The following AVEN variants were observed in gnomAD, a reference collection of about 807,000 sequenced individuals.
The protein encoded by AVEN is apoptosis and caspase activation inhibitor.
A neutral mutation model predicts 38.1 loss-of-function variants in AVEN; 41 were observed. That is an observed-to-expected ratio of 1.08 (90% CI 0.84 to 1.40). The LOEUF (loss-of-function observed/expected upper bound fraction) is 1.40, where lower values mean the gene tolerates loss of function less well. AVEN is among the 40% of genes most tolerant of loss of function. The pLI is 0.00. For missense variants in AVEN, 605 were observed against 438.8 expected, an observed-to-expected ratio of 1.38 and a Z score of -3.38; for synonymous variants, 206 against 171.8, an observed-to-expected ratio of 1.20 and a Z score of -1.56.
chr15:33,923,185 T>A (rs1893470652), intron 2 of AVEN, among the ~76,000 whole-genome samples: 2 of 152,126 alleles, frequency 1.3e-5, no homozygotes, highest in Non-Finnish European at 2.9e-5. Flanking sequence ...TTTGTTCCAT[T>A]TCAATGAAAC....
At chr15:34,000,117 C>T (rs753039193) in intron 2 of AVEN, among the ~76,000 whole-genome samples, 28 of 152,206 alleles carry the variant, frequency 1.8e-4, no homozygotes, top group Non-Finnish European at 3.2e-4. Context: ...CTCCCTCACC[C>T]TCCTCAGATC....
chr15:33,884,777 C>T (rs1241643008), intron 2 of AVEN, among the ~76,000 whole-genome samples: 1 of 152,192 alleles, frequency 6.6e-6, no homozygotes, highest in Non-Finnish European at 1.5e-5. Context: ...AGAAGGAAAC[C>T]TGCAAAGACT....
At chr15:33,884,059 G>A (rs1891599981) in intron 2 of AVEN, among the ~76,000 whole-genome samples, 1 of 152,014 alleles carries the variant, frequency 6.6e-6, no homozygotes, top group African/African-American at 2.4e-5. Flanking sequence ...ACCTGGCATC[G>A]ATTTTTCTCA....
intron 2 of AVEN, among the ~76,000 whole-genome samples, chr15:33,890,179 G>A (rs1238161447): frequency 6.6e-6 from 1 of 152,134 alleles, no homozygotes; most frequent in Non-Finnish European, 1.5e-5. Flanking sequence ...ATGTTCAGTA[G>A]TCTGAGGTAT....
downstream of AVEN, among the ~76,000 whole-genome samples, chr15:33,864,413 G>C (rs1355778519): frequency 6.6e-6 from 1 of 151,198 alleles, no homozygotes; most frequent in African/African-American, 2.4e-5. Flanking sequence ...CTTCAGACTA[G>C]AAGAGCTGGA....
rs549796809 is a variant in AVEN at position 33,927,809 on chromosome 15, G to A, written c.446-51814C>T. Reference sequence around the variant, plus strand: ...TTTCCTCATGTAGGGTGGCTTTGGTGTGGCCCTGGAACCTTGGAGGGTCTA... The same window carrying A: ...TTTCCTCATGTAGGGTGGCTTTGGTATGGCCCTGGAACCTTGGAGGGTCTA... On this transcript the variant is annotated intron_variant, in intron 2 of 5. Coordinates refer to ENST00000306730, the MANE Select transcript of AVEN (RefSeq NM_020371.3). Among the ~76,000 whole-genome samples the A allele has an allele frequency of 1.5e-3, 227 of 152,342 alleles. 2 individuals are homozygous for A. The highest frequency in any genetic ancestry group is 5.3e-3 in the African/African-American group (221 of 41,566).
chr15:33,859,740 G>A, intron 11 of AVEN: 2 of 1,601,854 alleles, frequency 1.2e-6, no homozygotes, highest in Non-Finnish European at 1.7e-6. Flanking sequence ...AGGTATGATT[G>A]CCAATTGTGT....
At chr15:33,887,491 G>A (rs1265639532) in intron 2 of AVEN, among the ~76,000 whole-genome samples, 3 of 152,100 alleles carry the variant, frequency 2.0e-5, no homozygotes, top group Non-Finnish European at 4.4e-5. Context: ...CTTTCTAGGG[G>A]AAAATGGGAA....
chr15:33,870,418 T>C (rs1890894344), intron 4 of AVEN, among the ~76,000 whole-genome samples: 1 of 152,206 alleles, frequency 6.6e-6, no homozygotes, highest in Non-Finnish European at 1.5e-5. Context: ...AATGTCCTTA[T>C]GCTTTAGACC....
rs182962729 is a variant in AVEN, at chr15:33,967,673, G to A, written c.445+35359C>T. ...TAAAGAACTCAGGCAGGGAAAAAACGTTTAAATTTAAAATTTAAATTTTAA... is the reference window on the plus strand; with the variant it reads ...TAAAGAACTCAGGCAGGGAAAAAACATTTAAATTTAAAATTTAAATTTTAA... On this transcript the variant is annotated intron_variant, in intron 2 of 5. Transcript: ENST00000306730. Among the ~76,000 whole-genome samples the A allele has an allele frequency of 2.1e-3, 315 of 151,794 alleles. 3 individuals carry two copies. The highest frequency in any genetic ancestry group is 7.3e-3 in the African/African-American group (302 of 41,438).
intron 4 of AVEN, among the ~76,000 whole-genome samples, chr15:33,870,356 G>A (rs1474733212): frequency 2.0e-5 from 3 of 152,104 alleles, no homozygotes; most frequent in South Asian, 2.1e-4. Flanking sequence ...CAGCCCCATC[G>A]TTTTTATTAA....
At position 34,029,308 on chromosome 15, in the gene AVEN, A is replaced by T. The variant is rs970419987; in HGVS notation, c.267+9472T>A. On this transcript the variant is annotated intron_variant, in intron 1 of 5. Transcript: ENST00000306730. ...TTTTTCTTTCCAAGGTATGTAAAAT[A>T]CGTGCTCATAAAATAACACCTGGCC... Among the ~76,000 whole-genome samples, 4 of 152,334 alleles carry T rather than the reference A, an allele frequency of 2.6e-5. No individual in the cohort carries two copies. The South Asian group carries it at 8.3e-4, about 32-fold the overall frequency.
chr15:34,018,054 G>A (rs188037957), intron 1 of AVEN, among the ~76,000 whole-genome samples: 1 of 152,162 alleles, frequency 6.6e-6, no homozygotes, highest in Admixed American at 6.5e-5. Context: ...AATGGTTTAT[G>A]TATTTACTAT....
chr15:33,946,163 A>G (rs1036327162), intron 2 of AVEN, among the ~76,000 whole-genome samples: 1 of 152,154 alleles, frequency 6.6e-6, no homozygotes, highest in African/African-American at 2.4e-5. Context: ...CCTCCCAAAT[A>G]CTCAAATAAG....
chr15:34,063,969 C>T lies in AVEN; in HGVS notation n.1127-537G>A. ...GGCCAAGGAACCTTCAACGAAAGGC[C>T]TCAATCCCAACCCCAGCCATCAAAT... On this transcript the variant is annotated intron_variant and non_coding_transcript_variant, in intron 4 of 11. Coordinates refer to the AVEN transcript ENST00000675287. The surrounding 1 kb of genome is among the most constrained non-coding windows in gnomAD (Gnocchi z 4.1). 4 of 1,614,182 alleles carry T rather than the reference C, an allele frequency of 2.5e-6. No individual in the cohort carries two copies. Among genetic ancestry groups the T allele is most frequent in the Non-Finnish European group, 3.4e-6 (4 of 1,180,044 alleles).
At chr15:33,927,392 A>T (rs1893659688) in intron 2 of AVEN, among the ~76,000 whole-genome samples, 2 of 152,002 alleles carry the variant, frequency 1.3e-5, no homozygotes, top group Non-Finnish European at 2.9e-5. Context: ...TACCAATAAT[A>T]ATAATAGTTA....
At chr15:33,921,430 G>A (rs1893389830) in intron 2 of AVEN, among the ~76,000 whole-genome samples, 1 of 82,740 alleles carries the variant, frequency 1.2e-5, no homozygotes, top group African/African-American at 3.4e-5. Flanking sequence ...AGAACAGGGA[G>A]GAGAGTGAGA....
chr15:33,852,826 C>T, the AVEN span: 1 of 473,098 alleles, frequency 2.1e-6, no homozygotes, highest in Non-Finnish European at 3.8e-6. Flanking sequence ...GCCCAGTGGC[C>T]TTCTGAGTGT....
At chr15:33,974,106 A>G (rs1249042328) in intron 2 of AVEN, among the ~76,000 whole-genome samples, 5 of 152,206 alleles carry the variant, frequency 3.3e-5, no homozygotes, top group South Asian at 2.1e-4. Context: ...CTTTTGCTCT[A>G]TTTGACATAT....
Sources: allele counts gnomAD v4.1 joint callset (sites outside exome capture counted in the v4.1 genomes callset), GRCh38; gene constraint gnomAD v4.1.1; non-coding constraint Gnocchi (gnomAD v3.1); transcripts MANE v1.5; gene names NCBI Gene and HGNC (gene_info 2026-07-23, HGNC 2026-07-21).